Variants in POLR1A observed in about 807,000 individuals in gnomAD.
POLR1A encodes the protein DNA-directed RNA polymerase I subunit RPA1.
In POLR1A, 84 loss-of-function variants were observed where a neutral mutation model predicts 205.3. The observed-to-expected ratio is 0.41, with a 90% CI of 0.34 to 0.49. The LOEUF (loss-of-function observed/expected upper bound fraction) is 0.49. Among genes scored for constraint, POLR1A ranks in the 20% least tolerant of loss-of-function variants. The pLI is 0.22. For synonymous variants in POLR1A, 799 were observed against 863.7 expected, an observed-to-expected ratio of 0.93 and a Z score of 1.31; for missense variants, 1,645 against 2,204.5, an observed-to-expected ratio of 0.75 and a Z score of 5.08.
intron 6 of POLR1A, among the ~76,000 whole-genome samples, chr2:86,084,789 C>T (rs756291506): frequency 2.0e-5 from 3 of 151,604 alleles, no homozygotes; most frequent in Non-Finnish European, 2.9e-5. Flanking sequence ...ACCTCAGCCT[C>T]CTCCATTTTT....
Position 86,028,802 on chromosome 2 carries a change from TTG to T in POLR1A, c.4780-93_4780-92del. 1 of 910,242 alleles carries T rather than the reference TTG, an allele frequency of 1.1e-6. No individual in the cohort carries two copies. Among genetic ancestry groups the T allele is most frequent in the East Asian group, 2.6e-5 (1 of 38,416 alleles). The allele number at this position is 910,242 out of a possible 1,614,324, so 56.4% of individuals were successfully genotyped here. A position where few individuals can be genotyped will look rare whatever the true frequency, so the allele number is the denominator to read the frequency against. ...CTCCCCCTGGCCGCTCTCTCTCTCCTTGTGTCTGGCAGCTCGGTACAGCTGAT... is the reference window on the plus strand; with the variant it reads ...CTCCCCCTGGCCGCTCTCTCTCTCCTTGTCTGGCAGCTCGGTACAGCTGAT... On this transcript the variant is annotated intron_variant, in intron 31 of 33. Coordinates refer to ENST00000263857, the MANE Select transcript of POLR1A (RefSeq NM_015425.6). The surrounding 1 kb of genome is among the most constrained non-coding windows in gnomAD (Gnocchi z 4.5).
chr2:86,078,074 T>C, intron 10 of POLR1A, 40 bp downstream of exon 10: 1 of 1,612,370 alleles, frequency 6.2e-7, no homozygotes, highest in Non-Finnish European at 8.5e-7. Context: ...TTATTATTTA[T>C]CTTCTGTAGC....
rs1673155997 is a variant in POLR1A, at chr2:86,070,491, G to A, written c.1612-219C>T. On this transcript the variant is annotated intron_variant, in intron 12 of 33. Transcript: ENST00000263857. The surrounding 1 kb of genome is among the most constrained non-coding windows in gnomAD (Gnocchi z 4.4). ...CTGGCCCTTTACAACCCTGATCCTGGCTCTAGGCTCAGAAGTATAAGGAAC... is the reference window on the plus strand; with the variant it reads ...CTGGCCCTTTACAACCCTGATCCTGACTCTAGGCTCAGAAGTATAAGGAAC... 6.6e-6 allele frequency among the ~76,000 whole-genome samples: 1 copy of A among 152,064 alleles called. No individual in the cohort carries two copies. Among genetic ancestry groups the A allele is most frequent in the Admixed American group, 6.5e-5 (1 of 15,272 alleles).
intron 3 of POLR1A, among the ~76,000 whole-genome samples, chr2:86,096,569 T>A (rs1478808889): frequency 6.6e-6 from 1 of 152,120 alleles, no homozygotes; most frequent in Non-Finnish European, 1.5e-5. Context: ...GATACTGGCA[T>A]GAAAACAGAA....
intron 12 of POLR1A, among the ~76,000 whole-genome samples, chr2:86,073,422 C>T (rs1041944639): frequency 6.6e-6 from 1 of 152,026 alleles, no homozygotes; most frequent in African/African-American, 2.4e-5. Context: ...ACTATCTGAC[C>T]CCAGAGGAAT....
chr2:86,049,809 G>A (rs1043118591), intron 16 of POLR1A, among the ~76,000 whole-genome samples: 6 of 152,166 alleles, frequency 3.9e-5, no homozygotes, highest in African/African-American at 1.4e-4. Context: ...ATGACAGCCT[G>A]GGTCACTTCA....
At chr2:86,098,513 T>A in intron 3 of POLR1A, 98 bp downstream of exon 3, 2 of 1,215,104 alleles carry the variant, frequency 1.6e-6, no homozygotes, top group Middle Eastern at 1.9e-4. Context: ...AACGTTCTGA[T>A]GACTATCGGC....
chr2:86,043,649 C>T (rs1312965880), intron 22 of POLR1A, among the ~76,000 whole-genome samples: 4 of 152,134 alleles, frequency 2.6e-5, no homozygotes, highest in Non-Finnish European at 5.9e-5. Context: ...GGTGACTGCC[C>T]AGTCAACAGT....
intron 13 of POLR1A, among the ~76,000 whole-genome samples, chr2:86,067,453 C>T (rs551898790): frequency 3.3e-5 from 5 of 152,128 alleles, no homozygotes; most frequent in East Asian, 1.9e-4. Flanking sequence ...AAAAATTAGT[C>T]CAAAAAGTAA....
intron 33 of POLR1A, among the ~76,000 whole-genome samples, 153 bp downstream of exon 33, chr2:86,027,732 T>A (rs1553432190): frequency 6.6e-6 from 1 of 152,130 alleles, no homozygotes; most frequent in Non-Finnish European, 1.5e-5. Context: ...AGCTGTCGTG[T>A]CTGCTGTTCA....
chr2:86,049,509 TAAA>T (rs1672764169), intron 16 of POLR1A, among the ~76,000 whole-genome samples: 1 of 152,206 alleles, frequency 6.6e-6, no homozygotes. Context: ...GGGTAGAAAG[TAAA>T]CCCAGGCCTG....
intron 31 of POLR1A, among the ~76,000 whole-genome samples, chr2:86,029,254 A>G (rs1672332372): frequency 6.6e-6 from 1 of 152,256 alleles, no homozygotes; most frequent in African/African-American, 2.4e-5. Flanking sequence ...AAAAGGGTTC[A>G]GGGGAGCAGG....
intron 26 of POLR1A, 57 bp downstream of exon 26, chr2:86,039,270 G>C (rs1672555361): frequency 6.3e-7 from 1 of 1,582,464 alleles, no homozygotes. Context: ...TCACACATGG[G>C]GAGGATATAG....
Position 86,100,163 on chromosome 2 carries a change from A to G in POLR1A, c.87T>C (p.Ser29=), listed in dbSNP as rs573837223. The change falls in exon 2 of 34, where the codon AGT becomes AGC. Residue 29 remains serine (S), a synonymous_variant. Coordinates refer to ENST00000263857, the MANE Select transcript of POLR1A (RefSeq NM_015425.6). ...MYSAEELKKL[S]VKSITNPRYL... ...ATCGAGGGTTCGTAATGGATTTAAC[A>G]CTTAATTTCCTAAGGGGATAAAAAA... 3.7e-6 allele frequency: 6 copies of G among 1,613,074 alleles called. No homozygotes were observed. The highest frequency in any genetic ancestry group is 5.1e-6 in the Non-Finnish European group (6 of 1,179,176).
chr2:86,084,202 C>T (rs1349515303), intron 6 of POLR1A, among the ~76,000 whole-genome samples: 1 of 152,080 alleles, frequency 6.6e-6, no homozygotes, highest in Admixed American at 6.5e-5. Flanking sequence ...GGAGGCGGAG[C>T]TTGCAGTGAG....
chr2:86,097,335 G>A (rs894040023), intron 3 of POLR1A, among the ~76,000 whole-genome samples: 4 of 149,588 alleles, frequency 2.7e-5, no homozygotes, highest in African/African-American at 9.8e-5. Context: ...AACATATGAA[G>A]GTTCCTCAAA....
At chr2:86,032,957 C>T (rs1410280097) in intron 28 of POLR1A, among the ~76,000 whole-genome samples, 1 of 152,130 alleles carries the variant, frequency 6.6e-6, no homozygotes, top group African/African-American at 2.4e-5. Flanking sequence ...GTAGGCCAGC[C>T]CCTCATTTTA....
At chr2:86,056,902 C>T (rs987478616) in intron 14 of POLR1A, among the ~76,000 whole-genome samples, 1 of 152,188 alleles carries the variant, frequency 6.6e-6, no homozygotes, top group African/African-American at 2.4e-5. Context: ...CATCTGGTCA[C>T]CCAAGAGCTC....
chr2:86,065,194 G>C, intron 14 of POLR1A, 80 bp downstream of exon 14: 1 of 1,253,252 alleles, frequency 8.0e-7, no homozygotes, highest in Non-Finnish European at 1.1e-6. Flanking sequence ...CTCTGGTCTG[G>C]ACTCTTCTGA....
Sources: allele counts gnomAD v4.1 joint callset (sites outside exome capture counted in the v4.1 genomes callset), GRCh38; gene constraint gnomAD v4.1.1; non-coding constraint Gnocchi (gnomAD v3.1); transcripts MANE v1.5; gene names NCBI Gene and HGNC (gene_info 2026-07-23, HGNC 2026-07-21).